NDUFS3: variants seen among roughly 807,000 people sequenced by gnomAD.
NDUFS3 encodes the protein NADH dehydrogenase [ubiquinone] iron-sulfur protein 3, mitochondrial.
A neutral mutation model predicts 30.8 loss-of-function variants in NDUFS3; 19 were observed. That is an observed-to-expected ratio of 0.62 (90% CI 0.43 to 0.91). NDUFS3 has a LOEUF of 0.91. NDUFS3 is among the 40% of genes least tolerant of loss of function. NDUFS3 has a pLI of 0.00. For missense variants in NDUFS3, 331 were observed against 342.0 expected (o/e 0.97, Z 0.25); for synonymous variants, 153 against 135.8 (o/e 1.13, Z -0.88).
intron 3 of NDUFS3, 99 bp from the exon 4 acceptor site, chr11:47,580,736 T>G (rs777266539): frequency 1.9e-6 from 3 of 1,596,182 alleles, no homozygotes; most frequent in Non-Finnish European, 2.6e-6. Flanking sequence ...ATCCCAAGCT[T>G]GGACTTTTCT....
At chr11:47,582,976 AAC>A (rs1270759076) in intron 6 of NDUFS3, among the ~76,000 whole-genome samples, 4 of 152,222 alleles carry the variant, frequency 2.6e-5, no homozygotes, top group African/African-American at 9.6e-5. Flanking sequence ...CAGCCTGGGC[AAC>A]AGAGTGAGAC....
intron 4 of NDUFS3, 98 bp downstream of exon 4, chr11:47,581,082 C>A: frequency 7.0e-7 from 1 of 1,431,118 alleles, no homozygotes; most frequent in South Asian, 1.2e-5. Context: ...ACTTCAGAGT[C>A]AAGTAGATCT....
rs2097269223 is a variant in NDUFS3, at chr11:47,582,439, A to G, written c.598A>G (p.Lys200Glu). 1 of 1,613,968 alleles carries G rather than the reference A, an allele frequency of 6.2e-7. No individual in the cohort carries two copies. The highest frequency in any genetic ancestry group is 1.1e-5 in the South Asian group (1 of 91,078). The change falls in exon 6 of 7, where the codon AAA (lysine) becomes GAA (glutamate). Residue 200 changes from lysine to glutamate, a missense_variant. Lys to Glu is a moderately conservative substitution (Grantham distance 56). Transcript: ENST00000263774. ...TGGCTTCGAGGGACATCCTTTCCGG[A>G]AAGACTTTCCTCTATCTGGCTATGT... ...DYGFEGHPFR[K>E]DFPLSGYVEL... is the part of the protein sequence containing the mutation.
intron 2 of NDUFS3, among the ~76,000 whole-genome samples, chr11:47,579,953 T>C (rs1242307670): frequency 6.6e-6 from 1 of 150,776 alleles, no homozygotes. Context: ...TTAGGAGACC[T>C]GGCATTTCTC....
chr11:47,580,469 G>A, intron 2 of NDUFS3, 56 bp from the exon 3 acceptor site: 1 of 1,533,132 alleles, frequency 6.5e-7, no homozygotes. Context: ...GAGACTGCAT[G>A]CAGGGCTGGC....
chr11:47,582,175 G>A lies in NDUFS3; in HGVS notation c.469G>A (p.Val157Ile). ...TGAGCTGACGCCCATTGAGTCTGCTGTCTCTGTGTTCAAGGCAGCCAACTG... is the reference window on the plus strand; with the variant it reads ...TGAGCTGACGCCCATTGAGTCTGCTATCTCTGTGTTCAAGGCAGCCAACTG... ...TDELTPIESA[V>I]SVFKAANWYE... is the part of the protein sequence containing the mutation. The change falls in exon 5 of 7, where the codon GTC (valine) becomes ATC (isoleucine). Residue 157 changes from valine to isoleucine, a missense_variant. By Grantham distance (29) the Val-to-Ile change is conservative (BLOSUM62 3). Transcript: ENST00000263774. The A allele has an allele frequency of 6.2e-7, 1 of 1,614,210 alleles. No individual in the cohort carries two copies. The highest frequency in any genetic ancestry group is 8.5e-7 in the Non-Finnish European group (1 of 1,180,030).
chr11:47,581,853 C>G (rs1344813353), intron 4 of NDUFS3: 2 of 562,286 alleles, frequency 3.6e-6, no homozygotes, highest in Non-Finnish European at 6.4e-6. Flanking sequence ...AGTAGGAGAC[C>G]AGGTAGCCTT....
In NDUFS3 at chr11:47,582,527, G is replaced by T. The variant is rs200717323; in HGVS notation, c.627+59G>T. 2.2e-5 allele frequency: 36 copies of T among 1,610,978 alleles called. No homozygotes were observed. The East Asian group carries it at 8.0e-4, about 36-fold the overall frequency. On this transcript the variant is annotated intron_variant, in intron 6 of 6. Coordinates refer to ENST00000263774, the MANE Select transcript of NDUFS3 (RefSeq NM_004551.3). ...GGAGGGACTTGCAGAGAACCCAGGG[G>T]ATCCCTGGGAATGGCAAGAAATACG...
At chr11:47,580,777 A>C in intron 3 of NDUFS3, 58 bp from the exon 4 acceptor site, 2 of 1,611,694 alleles carry the variant, frequency 1.2e-6, no homozygotes, top group African/African-American at 2.7e-5. Context: ...CTCCAGCTGA[A>C]GTTAGCTGTT....
In NDUFS3 at chr11:47,584,540, A is replaced by G. The variant is rs927022963; in HGVS notation, c.*59A>G. 16 of 1,594,674 alleles carry G rather than the reference A, an allele frequency of 1.0e-5. No homozygotes were observed. In the Admixed American group the frequency reaches 1.7e-4, roughly 17 times the overall value. On this transcript the variant is annotated 3_prime_UTR_variant, in exon 7 of 7. Transcript: ENST00000263774. ...CTTATCTATGATTGAGTGTCCGTGT[A>G]AATAAATTCCTACTTAGACTTACCA...
chr11:47,579,264 T>C lies in NDUFS3; in HGVS notation c.68-5T>C, dbSNP rs756129709. 1 of 1,614,182 alleles carries C rather than the reference T, an allele frequency of 6.2e-7. No homozygotes were observed. On this transcript the variant is annotated splice_region_variant and splice_polypyrimidine_tract_variant and intron_variant, in intron 1 of 6. Transcript: ENST00000263774. ...CGCGTCTGTGCCTTTTATCTCCCTG[T>C]GCAGGGACTGGGCGACCCTCCGTTC...
At chr11:47,579,990 C>T (rs901771365) in intron 2 of NDUFS3, among the ~76,000 whole-genome samples, 1 of 24,490 alleles carries the variant, frequency 4.1e-5, no homozygotes, top group South Asian at 1.9e-3. Context: ...CATTGACACA[C>T]ACACACACAC....
chr11:47,580,052 G>GACAC (rs5791768), intron 2 of NDUFS3, among the ~76,000 whole-genome samples: 132,282 of 147,210 alleles, frequency 0.9, 59,448 homozygotes, highest in East Asian at 0.94. Flanking sequence ...TTTTCTCATT[G>GACAC]ACACACACAC....
chr11:47,580,955 G>A lies in NDUFS3; in HGVS notation c.352G>A (p.Asp118Asn), dbSNP rs1199121005. ...FKSLVDLTAV[D>N]VPTRQNRFEI... ...ATCTCTGGTTGACTTGACAGCAGTG[G>A]ACGTCCCAACTCGGCAAAACCGTTT... The change falls in exon 4 of 7, where the codon GAC (aspartate) becomes AAC (asparagine). Residue 118 changes from aspartate (D) to asparagine (N), a missense_variant. Physicochemically the swap from Asp to Asn is conservative, Grantham distance 23 (BLOSUM62 1). Transcript: ENST00000263774. The A allele has an allele frequency of 6.2e-7, 1 of 1,614,076 alleles. No homozygotes were observed. The highest frequency in any genetic ancestry group is 1.3e-5 in the African/African-American group (1 of 74,906).
intron 5 of NDUFS3, 65 bp from the exon 6 acceptor site, chr11:47,582,284 G>A (rs2097269152): frequency 8.1e-6 from 13 of 1,614,110 alleles, no homozygotes; most frequent in Non-Finnish European, 1.1e-5. Context: ...ACGGGATGCA[G>A]TGTAGCCCCT....
chr11:47,584,055 G>A (rs1215473012), intron 6 of NDUFS3, among the ~76,000 whole-genome samples: 1 of 152,192 alleles, frequency 6.6e-6, no homozygotes. Flanking sequence ...TGTGGGAGTG[G>A]TGAGCAGGGG....
At chr11:47,583,176 G>A (rs1023712296) in intron 6 of NDUFS3, among the ~76,000 whole-genome samples, 9 of 151,938 alleles carry the variant, frequency 5.9e-5, no homozygotes, top group African/African-American at 2.2e-4. Flanking sequence ...TCAGCCCTCC[G>A]AGTAGCTGGG....
rs1016461892 is a variant in NDUFS3 at position 47,584,177 on chromosome 11, T to C, written c.628-137T>C. 5 of 1,143,572 alleles carry C rather than the reference T, an allele frequency of 4.4e-6. No individual in the cohort carries two copies. In the African/African-American group the frequency reaches 7.6e-5, roughly 17 times the overall value. The allele number at this position is 1,143,572 out of a possible 1,614,324, so 70.8% of individuals were successfully genotyped here. A position where few individuals can be genotyped will look rare whatever the true frequency, so the allele number is the denominator to read the frequency against. On this transcript the variant is annotated intron_variant, in intron 6 of 6. Transcript: ENST00000263774. Reference sequence around the variant, plus strand: ...AACACAGGTATGGATGGAGACTTACTGACAGAGGCTGGGACAGGAGTCAGT... The same window carrying C: ...AACACAGGTATGGATGGAGACTTACCGACAGAGGCTGGGACAGGAGTCAGT...
intron 6 of NDUFS3, among the ~76,000 whole-genome samples, chr11:47,582,815 G>C (rs1481238181): frequency 6.6e-6 from 1 of 152,124 alleles, no homozygotes; most frequent in East Asian, 1.9e-4. Flanking sequence ...AGGCAACATG[G>C]TGAAACCTCT....
Sources: gnomAD v4.1 joint callset for allele counts (sites outside exome capture counted in the v4.1 genomes callset) on GRCh38, gnomAD v4.1.1 for gene constraint, MANE v1.5 for transcripts, NCBI Gene and HGNC (gene_info 2026-07-23, HGNC 2026-07-21) for gene names.